The following IL6ST variants were observed in gnomAD, a reference collection of about 807,000 sequenced individuals.
The protein encoded by IL6ST is interleukin-6 receptor subunit beta.
IL6ST carries 24 observed loss-of-function variants against 91.3 expected under a neutral mutation model. The observed-to-expected ratio is 0.26, with a 90% CI of 0.19 to 0.37. The LOEUF is 0.37. Ranked by LOEUF, IL6ST falls within the 10% of genes least tolerant of loss-of-function variation. The pLI, the probability that IL6ST is intolerant of heterozygous loss-of-function variation, is 1.00. For synonymous variants in IL6ST, 351 were observed against 373.6 expected, an observed-to-expected ratio of 0.94 and a Z score of 0.70; for missense variants, 914 against 1,078.5, an observed-to-expected ratio of 0.85 and a Z score of 2.14.
chr5:55,963,427 G>T lies in IL6ST; in HGVS notation c.738C>A (p.Asn246Lys). 1 of 1,599,484 alleles carries T rather than the reference G, an allele frequency of 6.3e-7. No individual in the cohort carries two copies. Residue 246 changes from asparagine to lysine, a missense_variant, in exon 7 of 17, where the codon AAC becomes AAA. By Grantham distance (94) the Asn-to-Lys change is moderately conservative (BLOSUM62 0). Coordinates refer to ENST00000381298, the MANE Select transcript of IL6ST (RefSeq NM_002184.4). ...GTATTATAACACTCTTAATACTTGG[G>T]TTGGTCCATGTCAATTTTAAGATAC... Reference protein sequence around the residue: ...LSSILKLTWTNPSIKSVIILK... With the variant: ...LSSILKLTWTKPSIKSVIILK...
At position 55,941,381 on chromosome 5, in the gene IL6ST, TGCA is replaced by T; in HGVS notation, c.2455_2457del (p.Cys819del). 1 of 1,614,170 alleles carries T rather than the reference TGCA, an allele frequency of 6.2e-7. No homozygotes were observed. Among genetic ancestry groups the T allele is most frequent in the Non-Finnish European group, 8.5e-7 (1 of 1,179,978 alleles). ...ATATCTGGACTGGATTCATGCTGAC[TGCA>T]GTTCTGTTTGAAGTACTGTTGCCTG... On this transcript the variant is annotated inframe_deletion, in exon 17 of 17. Coordinates refer to ENST00000381298, the MANE Select transcript of IL6ST (RefSeq NM_002184.4).
At chr5:55,983,187 T>G (rs566960471) in intron 1 of IL6ST, among the ~76,000 whole-genome samples, 1 of 152,160 alleles carries the variant, frequency 6.6e-6, no homozygotes, top group East Asian at 1.9e-4. Context: ...TTAGTACAGA[T>G]AGTGTTTTGC....
In IL6ST at chr5:55,969,562, T is replaced by C. The variant is rs970979308; in HGVS notation, c.358A>G (p.Ile120Val). Residue 120 changes from isoleucine (I) to valine (V), a missense_variant, in exon 4 of 17, where the codon ATA becomes GTA. By Grantham distance (29) the Ile-to-Val change is conservative. Coordinates refer to ENST00000381298, the MANE Select transcript of IL6ST (RefSeq NM_002184.4). ...QLEQNVYGIT[I>V]ISGLPPEKPK... Reference sequence around the variant, plus strand: ...AAACAAAACTTACAGCCTGAAATTATTGTGATTCCATAAACATTCTGTTCA... The same window carrying C: ...AAACAAAACTTACAGCCTGAAATTACTGTGATTCCATAAACATTCTGTTCA... 7 of 1,606,696 alleles carry C rather than the reference T, an allele frequency of 4.4e-6. No homozygotes were observed. The highest frequency in any genetic ancestry group is 3.3e-5 in the South Asian group (3 of 90,720).
rs1264917743 is a variant in IL6ST at position 55,942,680 on chromosome 5, G to A, written c.2009C>T (p.Thr670Ile). ...AGCATTTTCTCTTACCCTTGGAGGA[G>A]TGTGAGGTGACCACTGGGCAATATG... Reference protein sequence around the residue: ...KSHIAQWSPHTPPRHNFNSKD... With the variant: ...KSHIAQWSPHIPPRHNFNSKD... Residue 670 changes from threonine to isoleucine, a missense_variant, in exon 16 of 17, where the codon ACT (threonine) becomes ATT (isoleucine). Transcript: ENST00000381298. 5 of 1,588,176 alleles carry A rather than the reference G, an allele frequency of 3.1e-6. No individual in the cohort carries two copies. The highest frequency in any genetic ancestry group is 1.7e-5 in the Admixed American group (1 of 59,872).
chr5:55,980,475 G>A (rs919847587), intron 2 of IL6ST, among the ~76,000 whole-genome samples: 12 of 152,260 alleles, frequency 7.9e-5, no homozygotes, highest in Admixed American at 2.6e-4. Context: ...ACTTGAACCC[G>A]GGAGGCGGAG....
rs568720826 is a variant in IL6ST, at chr5:55,994,487, G to C, written c.-104+297C>G. On this transcript the variant is annotated intron_variant, in intron 1 of 16. Transcript: ENST00000381298. ...AAAACGTGGGATCTGGTAACAAAAA[G>C]GGGGGTTTGTTCTTGAAGGGCGTTC... Among the ~76,000 whole-genome samples, 9 of 152,284 alleles carry C rather than the reference G, an allele frequency of 5.9e-5. No homozygotes were observed. The South Asian group carries it at 1.7e-3, about 28-fold the overall frequency.
intron 5 of IL6ST, among the ~76,000 whole-genome samples, chr5:55,967,632 G>A (rs1293077943): frequency 6.6e-6 from 1 of 151,832 alleles, no homozygotes; most frequent in African/African-American, 2.4e-5. Context: ...TTTTAGAGAC[G>A]CATACTGAAA....
intron 6 of IL6ST, 60 bp from the exon 7 acceptor site, chr5:55,963,566 A>G: frequency 3.4e-6 from 4 of 1,167,638 alleles, no homozygotes; most frequent in Middle Eastern, 2.4e-4. Flanking sequence ...TACAAACTCA[A>G]ATATACTCTT....
chr5:55,963,228 A>G (rs1752429748), intron 7 of IL6ST, 124 bp downstream of exon 7: 1 of 655,770 alleles, frequency 1.5e-6, no homozygotes, highest in East Asian at 2.7e-5. Flanking sequence ...AACCCAGAAG[A>G]GGTTATCAAG....
Position 55,935,786 on chromosome 5 carries a change from A to T in IL6ST, c.*5296T>A, listed in dbSNP as rs1750486080. ...AAAGAAAAAGCTTAAATGGAAAGTT[A>T]AGCAATCCTGAACAAGAAAACTCTC... is the stretch of plus-strand genomic sequence containing the variant. On this transcript the variant is annotated 3_prime_UTR_variant, in exon 17 of 17. Transcript: ENST00000381298. The T allele has an allele frequency of 4.6e-6, 1 of 216,832 alleles. No homozygotes were observed. Among genetic ancestry groups the T allele is most frequent in the South Asian group, 1.9e-4 (1 of 5,384 alleles). The allele number at this position is 216,832 out of a possible 1,614,324, so 13.4% of individuals were successfully genotyped here. A position where few individuals can be genotyped will look rare whatever the true frequency, so the allele number is the denominator to read the frequency against.
At chr5:55,946,463 T>C (rs1412986414) in intron 15 of IL6ST, among the ~76,000 whole-genome samples, 2 of 152,202 alleles carry the variant, frequency 1.3e-5, no homozygotes, top group Non-Finnish European at 2.9e-5. Context: ...TAAACTTCCA[T>C]AACAGATCAG....
intron 2 of IL6ST, among the ~76,000 whole-genome samples, chr5:55,977,262 T>A (rs1003146756): frequency 2.0e-5 from 3 of 149,428 alleles, no homozygotes; most frequent in Non-Finnish European, 2.9e-5. Context: ...TACAGGAAAT[T>A]CTTTTTTTTT....
Position 55,954,848 on chromosome 5 carries a change from T to G in IL6ST, c.1412A>C (p.Gln471Pro), listed in dbSNP as rs748275834. The stretch of plus-strand genomic sequence containing the variant: ...GCGATGCACGGTACCATCTTCTTGT[T>G]GCCAGTCTGTGATACAGGGTGCTTT... Reference protein sequence around the residue: ...SDKAPCITDWQQEDGTVHRTY... With the variant: ...SDKAPCITDWPQEDGTVHRTY... Residue 471 changes from glutamine to proline, a missense_variant, in exon 11 of 17, where the codon CAA (glutamine) becomes CCA (proline). Coordinates refer to ENST00000381298, the MANE Select transcript of IL6ST (RefSeq NM_002184.4). 1 of 1,612,874 alleles carries G rather than the reference T, an allele frequency of 6.2e-7. No homozygotes were observed. The highest frequency in any genetic ancestry group is 8.5e-7 in the Non-Finnish European group (1 of 1,179,564).
chr5:55,972,534 C>A (rs1256380925), intron 3 of IL6ST, among the ~76,000 whole-genome samples: 1 of 151,870 alleles, frequency 6.6e-6, no homozygotes, highest in African/African-American at 2.4e-5. Context: ...GCAAATGTTC[C>A]GTTTTTCAAA....
At chr5:55,946,072 CA>C (rs1751232541) in intron 15 of IL6ST, among the ~76,000 whole-genome samples, 1 of 152,068 alleles carries the variant, frequency 6.6e-6, no homozygotes, top group Admixed American at 6.5e-5. Context: ...CAAAATAACC[CA>C]ATTTGAAAAT....
intron 15 of IL6ST, among the ~76,000 whole-genome samples, chr5:55,945,466 C>A (rs903994872): frequency 1.3e-5 from 2 of 151,758 alleles, no homozygotes; most frequent in African/African-American, 4.8e-5. Context: ...GAACCTTGAC[C>A]CTGACCTCAC....
At position 55,938,856 on chromosome 5, in the gene IL6ST, C is replaced by T. The variant is rs1374080784; in HGVS notation, c.*2226G>A. 8 of 201,872 alleles carry T rather than the reference C, an allele frequency of 4.0e-5. No individual in the cohort carries two copies. The highest frequency in any genetic ancestry group is 8.1e-5 in the Non-Finnish European group (8 of 98,190). The allele number at this position is 201,872 out of a possible 1,614,324, so 12.5% of individuals were successfully genotyped here. A position where few individuals can be genotyped will look rare whatever the true frequency, so the allele number is the denominator to read the frequency against. ...GAATTTTTGCACAGTAATCATATATCCATTTAATATGTATAAAGTGTTCTT... is the reference window on the plus strand; with the variant it reads ...GAATTTTTGCACAGTAATCATATATTCATTTAATATGTATAAAGTGTTCTT... On this transcript the variant is annotated 3_prime_UTR_variant, in exon 17 of 17. Coordinates refer to ENST00000381298, the MANE Select transcript of IL6ST (RefSeq NM_002184.4).
chr5:55,969,119 C>T (rs1305871098), intron 4 of IL6ST, among the ~76,000 whole-genome samples: 2 of 149,846 alleles, frequency 1.3e-5, no homozygotes, highest in African/African-American at 2.5e-5. Flanking sequence ...TGCTTGAACC[C>T]GGGAGGGCAG....
At chr5:55,987,587 T>C (rs1189430061) in intron 1 of IL6ST, among the ~76,000 whole-genome samples, 4 of 152,222 alleles carry the variant, frequency 2.6e-5, no homozygotes, top group Non-Finnish European at 5.9e-5. Context: ...ACCAGATTGC[T>C]TGTGTTCAAA....
Sources: allele counts gnomAD v4.1 joint callset (sites outside exome capture counted in the v4.1 genomes callset), GRCh38; gene constraint gnomAD v4.1.1; transcripts MANE v1.5; gene names NCBI Gene and HGNC (gene_info 2026-07-23, HGNC 2026-07-21).